Variants in FER observed in about 807,000 individuals in gnomAD.
The protein encoded by FER is FER tyrosine kinase.
FER carries 63 observed loss-of-function variants against 111.0 expected under a neutral mutation model. The observed-to-expected ratio is 0.57, with a 90% confidence interval of 0.46 to 0.70. FER has a LOEUF of 0.70. Among genes scored for constraint, FER ranks in the 30% least tolerant of loss-of-function variants. FER has a pLI of 0.00. For missense variants in FER, 914 were observed against 954.0 expected, an observed-to-expected ratio of 0.96 and a Z score of 0.55; for synonymous variants, 327 against 313.9, an observed-to-expected ratio of 1.04 and a Z score of -0.44.
At chr5:109,072,696 A>G (rs529728791) in intron 16 of FER, among the ~76,000 whole-genome samples, 7 of 152,144 alleles carry the variant, frequency 4.6e-5, no homozygotes, top group East Asian at 1.9e-4. Flanking sequence ...TGAGCATGGT[A>G]TACTCTGTAT....
intron 17 of FER, among the ~76,000 whole-genome samples, chr5:109,173,545 C>G (rs1340898824): frequency 1.3e-5 from 2 of 152,160 alleles, no homozygotes; most frequent in Non-Finnish European, 2.9e-5. Flanking sequence ...TCTGTCATAA[C>G]CTTCAGAATT....
chr5:109,101,102 C>G lies in FER; in HGVS notation c.2048+583C>G, dbSNP rs1582032199. ...ACTTGTTCTGATTGTATGTAGTGAC[C>G]TGGTCTTAATGCTTTATACATTGTG... is the stretch of plus-strand genomic sequence containing the variant. On this transcript the variant is annotated intron_variant, in intron 17 of 19. Transcript: ENST00000281092. Among the ~76,000 whole-genome samples, 4 of 151,816 alleles carry G rather than the reference C, an allele frequency of 2.6e-5. No homozygotes were observed. The South Asian group carries it at 8.3e-4, about 32-fold the overall frequency.
At chr5:108,897,959 G>T in intron 10 of FER, 111 bp downstream of exon 10, 2 of 995,912 alleles carry the variant, frequency 2.0e-6, no homozygotes, top group Non-Finnish European at 2.8e-6. Flanking sequence ...TTGTTAATAT[G>T]CAGGTCCTAT....
chr5:109,138,490 T>A (rs1469919600), intron 17 of FER, among the ~76,000 whole-genome samples: 1 of 152,188 alleles, frequency 6.6e-6, no homozygotes, highest in Non-Finnish European at 1.5e-5. Flanking sequence ...ACCTTGGATA[T>A]ATTCACCCTT....
chr5:109,048,111 T>G (rs528495686), intron 16 of FER, among the ~76,000 whole-genome samples: 3 of 152,246 alleles, frequency 2.0e-5, no homozygotes, highest in African/African-American at 7.2e-5. Flanking sequence ...TGTAAAACGT[T>G]TCTAATTTTA....
At chr5:108,932,464 T>C (rs887338530) in intron 10 of FER, among the ~76,000 whole-genome samples, 2 of 152,222 alleles carry the variant, frequency 1.3e-5, no homozygotes, top group African/African-American at 4.8e-5. Flanking sequence ...CTATTGTGAA[T>C]AGTGCTGCAG....
At chr5:108,945,960 A>G (rs1174071966) in intron 10 of FER, among the ~76,000 whole-genome samples, 170 bp from the exon 11 acceptor site, 5 of 152,114 alleles carry the variant, frequency 3.3e-5, no homozygotes, top group Admixed American at 1.3e-4. Flanking sequence ...GTAAAATGCT[A>G]TAGAGTTTAT....
chr5:109,175,934 G>A (rs527999195), intron 17 of FER, among the ~76,000 whole-genome samples: 129 of 152,262 alleles, frequency 8.5e-4, no homozygotes, highest in African/African-American at 2.8e-3. Flanking sequence ...AGCCGAGATC[G>A]TGCCACTGCA....
chr5:108,952,726 G>A (rs138162909), intron 11 of FER, among the ~76,000 whole-genome samples: 341 of 152,010 alleles, frequency 2.2e-3, no homozygotes, highest in African/African-American at 7.7e-3. Context: ...CATATTCTTC[G>A]TCATATGTTT....
At chr5:109,016,090 C>T (rs1034074709) in intron 13 of FER, among the ~76,000 whole-genome samples, 2 of 151,972 alleles carry the variant, frequency 1.3e-5, no homozygotes, top group Non-Finnish European at 2.9e-5. Flanking sequence ...TTCTAGGTGA[C>T]TTTTTCCCTC....
At chr5:109,182,999 G>A (rs1464612668) in intron 18 of FER, among the ~76,000 whole-genome samples, 5 of 152,124 alleles carry the variant, frequency 3.3e-5, no homozygotes, top group African/African-American at 9.7e-5. Flanking sequence ...GAGCCATTGC[G>A]CCCAGTCTCT....
intron 6 of FER, 106 bp downstream of exon 6, chr5:108,868,056 C>G (rs1383411469): frequency 2.0e-6 from 2 of 1,020,936 alleles, no homozygotes; most frequent in Non-Finnish European, 2.8e-6. Flanking sequence ...TTAACCCAGT[C>G]CAGGGGGTAT....
At chr5:109,105,962 C>T (rs1000354931) in intron 17 of FER, among the ~76,000 whole-genome samples, 5 of 152,128 alleles carry the variant, frequency 3.3e-5, no homozygotes, top group East Asian at 1.9e-4. Flanking sequence ...TGTTTAAGCC[C>T]GTTTTACACA....
chr5:108,833,082 T>C, intron 4 of FER, 139 bp downstream of exon 4: 2 of 641,952 alleles, frequency 3.1e-6, no homozygotes, highest in African/African-American at 1.9e-5. Flanking sequence ...ATAAGTAATA[T>C]CTTATTGAAC....
chr5:109,096,428 C>T (rs72796565), intron 16 of FER, among the ~76,000 whole-genome samples: 4,091 of 151,994 alleles, frequency 0.027, 73 homozygotes, highest in Middle Eastern at 0.092. Flanking sequence ...AGGCAAGTCA[C>T]ACTACAGGCA....
intron 3 of FER, among the ~76,000 whole-genome samples, chr5:108,811,349 G>A (rs1757740308): frequency 6.6e-6 from 1 of 152,150 alleles, no homozygotes; most frequent in African/African-American, 2.4e-5. Flanking sequence ...TATATATTTT[G>A]CCATGGATCT....
At chr5:109,075,428 A>AT (rs749923297) in intron 16 of FER, among the ~76,000 whole-genome samples, 5,156 of 128,518 alleles carry the variant, frequency 0.04, 171 homozygotes, top group African/African-American at 0.081. Context: ...TTTGCTTAGC[A>AT]TTTTTTTTTT....
intron 13 of FER, among the ~76,000 whole-genome samples, chr5:108,995,349 G>T (rs1310697296): frequency 6.6e-6 from 1 of 151,998 alleles, no homozygotes; most frequent in East Asian, 1.9e-4. Flanking sequence ...CACGTGTCAT[G>T]GTGGTTTACT....
At chr5:108,828,351 C>T (rs1759689038) in intron 3 of FER, among the ~76,000 whole-genome samples, 1 of 152,132 alleles carries the variant, frequency 6.6e-6, no homozygotes, top group Non-Finnish European at 1.5e-5. Flanking sequence ...CAAATTTATA[C>T]TTCTTGATAC....
Sources: gnomAD v4.1 joint callset for allele counts (sites outside exome capture counted in the v4.1 genomes callset) on GRCh38, gnomAD v4.1.1 for gene constraint, MANE v1.5 for transcripts, NCBI Gene and HGNC (gene_info 2026-07-23, HGNC 2026-07-21) for gene names.